Variants in TRAPPC14 observed in about 807,000 individuals in gnomAD.
The protein encoded by TRAPPC14 is microtubule associated protein 11.
TRAPPC14 carries 24 observed loss-of-function variants against 56.6 expected under a neutral mutation model. The observed-to-expected ratio is 0.42, with a 90% confidence interval of 0.31 to 0.60. The LOEUF (loss-of-function observed/expected upper bound fraction) is 0.60, where lower values mean the gene tolerates loss of function less well. Among genes scored for constraint, TRAPPC14 ranks in the 20% least tolerant of loss-of-function variants. TRAPPC14 has a pLI of 0.14. For missense variants in TRAPPC14, 615 were observed against 790.3 expected (o/e 0.78, Z 2.66); for synonymous variants, 377 against 347.0 (o/e 1.09, Z -0.96).
chr7:100,158,529 C>G lies in TRAPPC14; in HGVS notation c.-30G>C. 1 of 1,303,838 alleles carries G rather than the reference C, an allele frequency of 7.7e-7. No individual in the cohort carries two copies. The allele number at this position is 1,303,838 out of a possible 1,614,324, so 80.8% of individuals were successfully genotyped here. On this transcript the variant is annotated 5_prime_UTR_variant, in exon 1 of 11. Transcript: ENST00000316937. Reference sequence around the variant, plus strand: ...CGGCGAGGACGGCGCGACTGGGAGCCCGGACCGGAGGCCGACCGCCGGCGG... The same window carrying G: ...CGGCGAGGACGGCGCGACTGGGAGCGCGGACCGGAGGCCGACCGCCGGCGG...
intron 8 of TRAPPC14, 36 bp downstream of exon 8, chr7:100,156,350 C>G: frequency 1.9e-6 from 3 of 1,608,798 alleles, no homozygotes; most frequent in Non-Finnish European, 1.7e-6. Context: ...TCTTCCCCTC[C>G]CTGGGGACCA....
Position 100,154,487 on chromosome 7 carries a change from C to T in TRAPPC14, c.*524G>A, listed in dbSNP as rs1461970197. ...GAAGCAATAGTTGGAAAATAAGTTA[C>T]AGGAACAGACCAAAAAAAAAAAAAT... On this transcript the variant is annotated 3_prime_UTR_variant, in exon 11 of 11. Coordinates refer to ENST00000316937, the MANE Select transcript of TRAPPC14 (RefSeq NM_018275.5). The T allele has an allele frequency of 5.5e-6, 1 of 182,058 alleles. No homozygotes were observed. The highest frequency in any genetic ancestry group is 1.2e-5 in the Non-Finnish European group (1 of 85,558). 11.3% of individuals were successfully genotyped at this position (182,058 alleles called of 1,614,324 possible).
Position 100,157,388 on chromosome 7 carries a change from A to G in TRAPPC14, c.709T>C (p.Leu237=), listed in dbSNP as rs1798904917. ...CRQFTVAGKH[L]TVLKVLNSSS... ...CCCTGCTTACCCTTGAGCACGGTCA[A>G]GTGTTTTCCAGCCACAGTGAACTGC... Residue 237 remains leucine, a synonymous_variant, in exon 4 of 11, where the codon TTG becomes CTG. Transcript: ENST00000316937. 6.2e-7 allele frequency: 1 copy of G among 1,614,106 alleles called. No homozygotes were observed. Among genetic ancestry groups the G allele is most frequent in the Non-Finnish European group, 8.5e-7 (1 of 1,180,020 alleles).
rs1798880562 is a variant in TRAPPC14, at chr7:100,156,328, C to G, written c.1240+58G>C. The G allele has an allele frequency of 1.9e-6, 3 of 1,587,720 alleles. No individual in the cohort carries two copies. In the African/African-American group the frequency reaches 4.0e-5, roughly 21 times the overall value. ...TGTTTTCACTGTCCTGCCTCCCTGA[C>G]TTTTTCCTTTCTCTTCCCCTCCCTG... On this transcript the variant is annotated intron_variant, in intron 8 of 10. Transcript: ENST00000316937.
Position 100,158,545 on chromosome 7 carries a change from C to T in TRAPPC14, c.-46G>A, listed in dbSNP as rs1452210532. 6.1e-6 allele frequency: 8 copies of T among 1,302,110 alleles called. No homozygotes were observed. The highest frequency in any genetic ancestry group is 3.1e-5 in the East Asian group (1 of 31,868). 80.7% of individuals were successfully genotyped at this position (1,302,110 alleles called of 1,614,324 possible). On this transcript the variant is annotated 5_prime_UTR_variant, in exon 1 of 11. Transcript: ENST00000316937. ...ACTGGGAGCCCGGACCGGAGGCCGA[C>T]CGCCGGCGGGGCCCGCTAGGGTGGG...
Position 100,156,838 on chromosome 7 carries a change from T to G in TRAPPC14, c.993+7A>C, listed in dbSNP as rs769526424. 2 of 1,613,974 alleles carry G rather than the reference T, an allele frequency of 1.2e-6. No individual in the cohort carries two copies. The highest frequency in any genetic ancestry group is 1.7e-6 in the Non-Finnish European group (2 of 1,179,950). ...TTTCTTTGAACACACCAGCCCCTTATGCTCACCTCCTTGGCCCCTGGAGGG... is the reference window on the plus strand; with the variant it reads ...TTTCTTTGAACACACCAGCCCCTTAGGCTCACCTCCTTGGCCCCTGGAGGG... On this transcript the variant is annotated splice_region_variant and intron_variant, in intron 6 of 10. Transcript: ENST00000316937.
At position 100,155,073 on chromosome 7, in the gene TRAPPC14, A is replaced by G; in HGVS notation, c.1681T>C (p.Leu561=). ...PLYLPPDKAV[L]SLDKIAKREC... is the part of the protein sequence containing the mutation. ...CGCTTGGCAATCTTGTCCAGAGACA[A>G]CACAGCCTTGTCCGGGGGCAGGTAG... is the stretch of plus-strand genomic sequence containing the variant. Residue 561 remains leucine (L), a synonymous_variant, in exon 11 of 11, where the codon TTG becomes CTG. Transcript: ENST00000316937. The G allele has an allele frequency of 6.2e-7, 1 of 1,613,974 alleles. No individual in the cohort carries two copies.
At position 100,155,100 on chromosome 7, in the gene TRAPPC14, G is replaced by A. The variant is rs1157296385; in HGVS notation, c.1654C>T (p.Leu552Phe). ...PPVASPVGRP[L>F]YLPPDKAVLS... is the part of the protein sequence containing the mutation. ...ACAGCCTTGTCCGGGGGCAGGTAGAGGGGGCGGCCAACAGGAGAGGCCACA... is the reference window on the plus strand; with the variant it reads ...ACAGCCTTGTCCGGGGGCAGGTAGAAGGGGCGGCCAACAGGAGAGGCCACA... The change falls in exon 11 of 11, where the codon CTC becomes TTC. Residue 552 changes from leucine (L) to phenylalanine (F), a missense_variant. Leu to Phe is a conservative substitution (Grantham distance 22). Transcript: ENST00000316937. 6.2e-7 allele frequency: 1 copy of A among 1,613,712 alleles called. No homozygotes were observed. Among genetic ancestry groups the A allele is most frequent in the Admixed American group, 1.7e-5 (1 of 60,002 alleles).
Position 100,155,591 on chromosome 7 carries a change from C to G in TRAPPC14, c.1395+80G>C, listed in dbSNP as rs1243246638. 4.0e-6 allele frequency: 6 copies of G among 1,516,490 alleles called. No individual in the cohort carries two copies. The East Asian group carries it at 1.1e-4, about 29-fold the overall frequency. The allele number at this position is 1,516,490 out of a possible 1,614,324, so 93.9% of individuals were successfully genotyped here. A position where few individuals can be genotyped will look rare whatever the true frequency, so the allele number is the denominator to read the frequency against. On this transcript the variant is annotated intron_variant, in intron 9 of 10. Coordinates refer to ENST00000316937, the MANE Select transcript of TRAPPC14 (RefSeq NM_018275.5). Reference sequence around the variant, plus strand: ...CTCTGCCCAGCTTTTTATTTCATCCCCAAAATCTAAGGGTCCTGCCTCCGT... The same window carrying G: ...CTCTGCCCAGCTTTTTATTTCATCCGCAAAATCTAAGGGTCCTGCCTCCGT...
chr7:100,156,402 T>G lies in TRAPPC14; in HGVS notation c.1224A>C (p.Pro408=). 5.6e-6 allele frequency: 9 copies of G among 1,614,172 alleles called. No homozygotes were observed. The highest frequency in any genetic ancestry group is 7.6e-6 in the Non-Finnish European group (9 of 1,179,990). The change falls in exon 8 of 11, where the codon CCA becomes CCC. Residue 408 remains proline, a synonymous_variant. Transcript: ENST00000316937. ...CTGACCTACCAGCCTGTGCATGCTC[T>G]GGGGTCCACACGAGCCTCACAGCAA... The part of the protein sequence containing the change: ...DFLAVRLVWT[P]EHAQAGKQLC...
At position 100,158,502 on chromosome 7, in the gene TRAPPC14, G is replaced by C; in HGVS notation, c.-3C>G. On this transcript the variant is annotated 5_prime_UTR_variant, in exon 1 of 11. Transcript: ENST00000316937. ...GAGTAGTCGCACTGGGACTCCATGG[G>C]GCGGCGAGGACGGCGCGACTGGGAG... The C allele has an allele frequency of 7.6e-7, 1 of 1,320,568 alleles. No homozygotes were observed. The highest frequency in any genetic ancestry group is 9.6e-7 in the Non-Finnish European group (1 of 1,037,602). 81.8% of individuals were successfully genotyped at this position (1,320,568 alleles called of 1,614,324 possible). A position where few individuals can be genotyped will look rare whatever the true frequency, so the allele number is the denominator to read the frequency against.
At position 100,155,412 on chromosome 7, in the gene TRAPPC14, A is replaced by C; in HGVS notation, c.1439T>G (p.Val480Gly). ...MKLKLQFTAS[V>G]SHPPPEARPL... The stretch of plus-strand genomic sequence containing the variant: ...CCGGGCCTCGGGTGGAGGGTGGGAC[A>C]CGCTGGCGGTGAACTGCAGCTTCAG... Residue 480 changes from valine (V) to glycine (G), a missense_variant, in exon 10 of 11, where the codon GTG becomes GGG. Physicochemically the swap from Val to Gly is moderately radical, Grantham distance 109. Coordinates refer to ENST00000316937, the MANE Select transcript of TRAPPC14 (RefSeq NM_018275.5). The C allele has an allele frequency of 6.5e-7, 1 of 1,539,844 alleles. No homozygotes were observed. The highest frequency in any genetic ancestry group is 1.2e-5 in the South Asian group (1 of 82,962).
At chr7:100,156,768 T>A in intron 6 of TRAPPC14, 52 bp from the exon 7 acceptor site, 1 of 1,600,706 alleles carries the variant, frequency 6.2e-7, no homozygotes, top group Non-Finnish European at 8.5e-7. Flanking sequence ...GCCCCTCCCA[T>A]CTTGAGTCAG....
intron 9 of TRAPPC14, 33 bp from the exon 10 acceptor site, chr7:100,155,488 G>C (rs761727928): frequency 6.6e-7 from 1 of 1,517,274 alleles, no homozygotes; most frequent in Non-Finnish European, 8.8e-7. Flanking sequence ...ATGCCAGCTC[G>C]GCTTCCAGGA....
rs752994733 is a variant in TRAPPC14 at position 100,156,506 on chromosome 7, C to T, written c.1120G>A (p.Ala374Thr). The T allele has an allele frequency of 6.8e-6, 11 of 1,614,010 alleles. No individual in the cohort carries two copies. The highest frequency in any genetic ancestry group is 9.3e-6 in the Non-Finnish European group (11 of 1,180,026). Residue 374 changes from alanine (A) to threonine (T), a missense_variant, in exon 8 of 11, where the codon GCT becomes ACT. Coordinates refer to ENST00000316937, the MANE Select transcript of TRAPPC14 (RefSeq NM_018275.5). ...GTCCGAACAGGGGACTTACAAGAAGCGGTCATCACAAAACACGGGCGGTCC... is the reference window on the plus strand; with the variant it reads ...GTCCGAACAGGGGACTTACAAGAAGTGGTCATCACAAAACACGGGCGGTCC... The part of the protein sequence containing the change: ...RLDRPCFVMT[A>T]SCKSPVRTYE...
chr7:100,155,867 T>C (rs989515232), intron 8 of TRAPPC14, 42 bp from the exon 9 acceptor site: 23 of 1,613,552 alleles, frequency 1.4e-5, no homozygotes, highest in Non-Finnish European at 1.8e-5. Context: ...ACAGCGTTCC[T>C]CATTCCCACA....
chr7:100,155,323 C>G lies in TRAPPC14; in HGVS notation c.1528G>C (p.Ala510Pro), dbSNP rs1433626159. 3 of 1,553,358 alleles carry G rather than the reference C, an allele frequency of 1.9e-6. No homozygotes were observed. Reference protein sequence around the residue: ...AVRDLVERHQASLGRSQSFSH... With the variant: ...AVRDLVERHQPSLGRSQSFSH... ...AAGGACTGGGAGCGGCCCAGGCTAG[C>G]CTGATGCCTCTCCACCAAGTCCCGG... The change falls in exon 10 of 11, where the codon GCT becomes CCT. Residue 510 changes from alanine to proline, a missense_variant. Transcript: ENST00000316937.
intron 10 of TRAPPC14, 41 bp downstream of exon 10, chr7:100,155,221 A>G: frequency 6.2e-7 from 1 of 1,600,626 alleles, no homozygotes. Context: ...CGCTGCTCCC[A>G]TCCTCTACCC....
At position 100,157,202 on chromosome 7, in the gene TRAPPC14, G is replaced by A. The variant is rs771571236; in HGVS notation, c.737C>T (p.Ser246Phe). Reference protein sequence around the residue: ...HLTVLKVLNSSSQEEISIWDI... With the variant: ...HLTVLKVLNSFSQEEISIWDI... ...CCAGATGGAGATTTCCTCCTGAGAG[G>A]AGCTGTTCAGCACTGTGGGAGAGGA... is the stretch of plus-strand genomic sequence containing the variant. The change falls in exon 5 of 11, where the codon TCC (serine) becomes TTC (phenylalanine). Residue 246 changes from serine (S) to phenylalanine (F), a missense_variant. Physicochemically the swap from Ser to Phe is radical, Grantham distance 155 (BLOSUM62 -2). Transcript: ENST00000316937. The A allele has an allele frequency of 1.2e-6, 2 of 1,614,164 alleles. No homozygotes were observed. The highest frequency in any genetic ancestry group is 2.2e-5 in the East Asian group (1 of 44,882).
Sources: allele counts gnomAD v4.1 joint callset, GRCh38; gene constraint gnomAD v4.1.1; transcripts MANE v1.5; gene names NCBI Gene and HGNC (gene_info 2026-07-23, HGNC 2026-07-21).